The following DNAH12 variants were observed in gnomAD, a reference collection of about 807,000 sequenced individuals.
DNAH12 encodes the protein dynein axonemal heavy chain 12.
A neutral mutation model predicts 371.5 loss-of-function variants in DNAH12; 285 were observed. The observed-to-expected ratio is 0.77, with a 90% confidence interval of 0.70 to 0.85. The LOEUF is 0.85. DNAH12 is among the 40% of genes least tolerant of loss of function. DNAH12 has a pLI of 0.00. For synonymous variants in DNAH12, 1,200 were observed against 1,213.0 expected (o/e 0.99, Z 0.22); for missense variants, 3,611 against 3,689.4 (o/e 0.98, Z 0.55).
At chr3:57,373,422 T>TCTCCTGCCTCAGC (rs2063217976) in intron 55 of DNAH12, among the ~76,000 whole-genome samples, 1 of 151,864 alleles carries the variant, frequency 6.6e-6, no homozygotes, top group South Asian at 2.1e-4. Context: ...TTCAAGTGAT[T>TCTCCTGCCTCAGC]CTCCTGCCTC....
chr3:57,550,163 T>G, the DNAH12 span, among the ~76,000 whole-genome samples: 11 of 151,958 alleles, frequency 7.2e-5, no homozygotes, highest in East Asian at 2.2e-3. Context: ...AAAAAGTTTT[T>G]TTAATTAGCC....
At chr3:57,487,515 T>C (rs2066974752) in intron 12 of DNAH12, among the ~76,000 whole-genome samples, 1 of 151,940 alleles carries the variant, frequency 6.6e-6, no homozygotes, top group Non-Finnish European at 1.5e-5. Flanking sequence ...TCTGAGTCCT[T>C]TGGGCAGAGA....
intron 45 of DNAH12, 24 bp downstream of exon 45, chr3:57,391,848 C>T (rs970423213): frequency 1.3e-5 from 2 of 152,582 alleles, no homozygotes; most frequent in African/African-American, 2.4e-5. Context: ...TTGCCTCCCC[C>T]TCCAACCAAG....
At chr3:57,389,816 GTGTGTGTA>G (rs1453917160) in intron 45 of DNAH12, among the ~76,000 whole-genome samples, 1 of 64,624 alleles carries the variant, frequency 1.5e-5, no homozygotes, top group Non-Finnish European at 4.4e-5. Context: ...GTGTGTGTGT[GTGTGTGTA>G]TATATATATA....
intron 59 of DNAH12, among the ~76,000 whole-genome samples, chr3:57,355,960 G>T (rs909122770): frequency 6.6e-6 from 1 of 152,030 alleles, no homozygotes; most frequent in Admixed American, 6.6e-5. Flanking sequence ...AAACCCAAAA[G>T]GTAGGTATTA....
chr3:57,415,652 A>G (rs1023252257), intron 37 of DNAH12, 88 bp from the exon 38 acceptor site: 35 of 1,291,444 alleles, frequency 2.7e-5, no homozygotes, highest in Non-Finnish European at 3.5e-5. Context: ...AAAAGTGTAC[A>G]TAAGAATCAA....
intron 22 of DNAH12, among the ~76,000 whole-genome samples, chr3:57,456,461 A>C (rs1296851201): frequency 1.3e-5 from 2 of 152,208 alleles, no homozygotes; most frequent in African/African-American, 4.8e-5. Context: ...CGTGTTTATC[A>C]TTCAAGATTA....
chr3:57,547,893 G>T (rs1342336178), upstream of DNAH12, among the ~76,000 whole-genome samples: 1 of 152,078 alleles, frequency 6.6e-6, no homozygotes, highest in East Asian at 1.9e-4. Flanking sequence ...ATCAACAGAG[G>T]CCTGTATTCC....
intron 60 of DNAH12, among the ~76,000 whole-genome samples, chr3:57,345,746 G>T (rs1268697529): frequency 6.6e-6 from 1 of 152,118 alleles, no homozygotes; most frequent in Non-Finnish European, 1.5e-5. Flanking sequence ...AACTGTGTGT[G>T]AGCTTTGATA....
chr3:57,503,667 G>A (rs572776190), intron 9 of DNAH12, among the ~76,000 whole-genome samples: 42 of 152,262 alleles, frequency 2.8e-4, no homozygotes, highest in African/African-American at 9.9e-4. Context: ...GATTACAGGC[G>A]TGAGGCACTG....
Position 57,458,079 on chromosome 3 carries a change from C to T in DNAH12, c.3053+20G>A. Reference sequence around the variant, plus strand: ...TAAGAAAATGTTTTTAATTACAGCACAATTGATTATTTATCATACCGAGGG... The same window carrying T: ...TAAGAAAATGTTTTTAATTACAGCATAATTGATTATTTATCATACCGAGGG... On this transcript the variant is annotated intron_variant, in intron 21 of 73. Coordinates refer to ENST00000495027, the MANE Select transcript of DNAH12 (RefSeq NM_001366028.2). 1 of 1,540,454 alleles carries T rather than the reference C, an allele frequency of 6.5e-7. No individual in the cohort carries two copies. The highest frequency in any genetic ancestry group is 2.4e-5 in the East Asian group (1 of 40,850).
At chr3:57,415,301 CCAAA>C in intron 38 of DNAH12, 121 bp downstream of exon 38, 1 of 1,298,824 alleles carries the variant, frequency 7.7e-7, no homozygotes, top group Non-Finnish European at 1.0e-6. Flanking sequence ...TTGTAACTCC[CCAAA>C]CATTTGAAAG....
At chr3:57,400,241 T>C (rs1195102387) in intron 43 of DNAH12, among the ~76,000 whole-genome samples, 2 of 152,266 alleles carry the variant, frequency 1.3e-5, no homozygotes, top group Admixed American at 6.5e-5. Flanking sequence ...TGAGCTGATA[T>C]CGTGCCACTG....
Position 57,471,476 on chromosome 3 carries a change from T to G in DNAH12, c.1907A>C (p.Gln636Pro). 6.5e-7 allele frequency: 1 copy of G among 1,544,804 alleles called. No individual in the cohort carries two copies. The highest frequency in any genetic ancestry group is 1.4e-5 in the African/African-American group (1 of 72,784). ...TGTCTCATATATTTATCAGACCTGT[T>G]GCATGCGCTCCAGCTCTGCAAATTC... ...FTEFAELERM[Q>P]QYVTDVRQLQ... Residue 636 changes from glutamine to proline, a missense_variant, in exon 15 of 74, where the codon CAA (glutamine) becomes CCA (proline). Transcript: ENST00000495027.
chr3:57,408,418 G>A lies in DNAH12; in HGVS notation c.6138C>T (p.Asn2046=). 2 of 1,551,590 alleles carry A rather than the reference G, an allele frequency of 1.3e-6. No homozygotes were observed. Among genetic ancestry groups the A allele is most frequent in the Non-Finnish European group, 1.7e-6 (2 of 1,146,934 alleles). Residue 2046 remains asparagine (N), a synonymous_variant, in exon 40 of 74, where the codon AAC becomes AAT. Coordinates refer to ENST00000495027, the MANE Select transcript of DNAH12 (RefSeq NM_001366028.2). ...PVTPRCIRHF[N]ICSINSFSDE... ...CACTAAAAGAATTAATACTGCAGAT[G>A]TTGAAATGTCGAATACAACGGGGAG...
chr3:57,429,305 T>A (rs538760724), intron 33 of DNAH12, among the ~76,000 whole-genome samples: 17 of 152,182 alleles, frequency 1.1e-4, no homozygotes, highest in Non-Finnish European at 2.1e-4. Flanking sequence ...GCCTCCCAAG[T>A]AGCTGGGATT....
In DNAH12 at chr3:57,421,592, G is replaced by T. The variant is rs2064581347; in HGVS notation, c.5488C>A (p.Pro1830Thr). 1.3e-6 allele frequency: 2 copies of T among 1,551,388 alleles called. No homozygotes were observed. Among genetic ancestry groups the T allele is most frequent in the South Asian group, 1.2e-5 (1 of 84,058 alleles). Reference sequence around the variant, plus strand: ...CATTTACCCACAGAATCTGGCACTGGGTTTTCATCATCTTTTCCCAGTATG... The same window carrying T: ...CATTTACCCACAGAATCTGGCACTGTGTTTTCATCATCTTTTCCCAGTATG... The part of the protein sequence containing the change: ...LIILGKDDEN[P>T]VPDSVGKWEC... The change falls in exon 36 of 74, where the codon CCA (proline) becomes ACA (threonine). Residue 1830 changes from proline to threonine, a missense_variant. Around this residue, in one of 3 missense-constraint regions of DNAH12, gnomAD observed 2,266 missense variants for 2,236.9 expected, o/e 1.01. Coordinates refer to ENST00000495027, the MANE Select transcript of DNAH12 (RefSeq NM_001366028.2).
chr3:57,452,792 A>G (rs1203699817), intron 25 of DNAH12, 51 bp downstream of exon 25: 1 of 1,482,170 alleles, frequency 6.7e-7, no homozygotes, highest in Non-Finnish European at 9.0e-7. Context: ...AGATGACGCT[A>G]CAGCAAAAAG....
intron 13 of DNAH12, among the ~76,000 whole-genome samples, chr3:57,479,138 TAG>T (rs1315994877): frequency 6.6e-5 from 6 of 90,306 alleles, no homozygotes; most frequent in Non-Finnish European, 1.2e-4. Flanking sequence ...GCAAATTGGA[TAG>T]AGTCAAGACC....
Sources: allele counts gnomAD v4.1 joint callset (sites outside exome capture counted in the v4.1 genomes callset), GRCh38; gene constraint gnomAD v4.1.1; regional missense constraint gnomAD v4.1.1; transcripts MANE v1.5; gene names NCBI Gene and HGNC (gene_info 2026-07-23, HGNC 2026-07-21).